Variants in IL1RAP observed in about 807,000 individuals in gnomAD.
IL1RAP encodes the protein interleukin-1 receptor accessory protein.
A neutral mutation model predicts 60.7 loss-of-function variants in IL1RAP; 35 were observed. That is an observed-to-expected ratio of 0.58 (90% CI 0.44 to 0.76). The LOEUF (loss-of-function observed/expected upper bound fraction) is 0.76, where lower values mean the gene tolerates loss of function less well. Ranked by LOEUF, IL1RAP falls within the 30% of genes least tolerant of loss-of-function variation. The pLI is 0.00. For synonymous variants in IL1RAP, 268 were observed against 250.9 expected (o/e 1.07, Z -0.64); for missense variants, 572 against 693.9 (o/e 0.82, Z 1.97).
intron 3 of IL1RAP, chr3:190,564,565 G>A (rs1726202036): frequency 1.8e-6 from 1 of 567,358 alleles, no homozygotes; most frequent in Non-Finnish European, 3.2e-6. Context: ...GTACACAGGG[G>A]GCAGTGGGCC....
chr3:190,650,304 T>C lies in IL1RAP; in HGVS notation c.*1599T>C. On this transcript the variant is annotated 3_prime_UTR_variant, in exon 12 of 12. Coordinates refer to ENST00000447382, the MANE Select transcript of IL1RAP (RefSeq NM_002182.4). ...AAATAACTTAAGTATTGCTACAGTT[T>C]ATCTAGGTTGCAGTGGCATCTGCTG... 4.1e-6 allele frequency: 4 copies of C among 985,154 alleles called. No homozygotes were observed. Among genetic ancestry groups the C allele is most frequent in the Non-Finnish European group, 3.6e-6 (3 of 829,664 alleles). 61.0% of individuals were successfully genotyped at this position (985,154 alleles called of 1,614,324 possible). A position where few individuals can be genotyped will look rare whatever the true frequency, so the allele number is the denominator to read the frequency against.
intron 5 of IL1RAP, 116 bp downstream of exon 5, chr3:190,609,297 C>G: frequency 1.5e-6 from 1 of 663,776 alleles, no homozygotes; most frequent in East Asian, 2.9e-5. Flanking sequence ...CTGATCTATT[C>G]CGTAATAGCT....
At chr3:190,534,142 T>C (rs1274742523) in intron 1 of IL1RAP, among the ~76,000 whole-genome samples, 2 of 151,968 alleles carry the variant, frequency 1.3e-5, no homozygotes, top group Non-Finnish European at 2.9e-5. Flanking sequence ...TTTGAAAGAA[T>C]AAAAAGAAAG....
At chr3:190,566,795 G>A (rs1420219691) in intron 3 of IL1RAP, among the ~76,000 whole-genome samples, 21 of 152,138 alleles carry the variant, frequency 1.4e-4, no homozygotes, top group Non-Finnish European at 2.5e-4. Flanking sequence ...GGGCTAGTGG[G>A]GGAAGAAAGA....
intron 9 of IL1RAP, among the ~76,000 whole-genome samples, chr3:190,636,952 CTTGTT>C (rs1372546362): frequency 2.0e-5 from 3 of 151,606 alleles, no homozygotes; most frequent in Non-Finnish European, 2.9e-5. Flanking sequence ...TTGTTTGGGG[CTTGTT>C]TTGTTTTGTT....
At chr3:190,541,685 C>G (rs962949409) in intron 1 of IL1RAP, among the ~76,000 whole-genome samples, 4 of 152,124 alleles carry the variant, frequency 2.6e-5, no homozygotes, top group Non-Finnish European at 5.9e-5. Context: ...GAGTTAAGTA[C>G]ATTTTCATTG....
At chr3:190,540,366 G>A (rs999078563) in intron 1 of IL1RAP, among the ~76,000 whole-genome samples, 2 of 151,912 alleles carry the variant, frequency 1.3e-5, no homozygotes, top group Non-Finnish European at 2.9e-5. Context: ...TTTTGAAGCT[G>A]AAAGCCTCAA....
intron 3 of IL1RAP, among the ~76,000 whole-genome samples, chr3:190,595,449 G>T (rs1482286461): frequency 6.6e-6 from 1 of 152,142 alleles, no homozygotes; most frequent in Non-Finnish European, 1.5e-5. Context: ...TTCATTTAAT[G>T]TTGCTAGCCA....
In IL1RAP at chr3:190,604,430, C is replaced by T; in HGVS notation, c.350+17C>T. Reference sequence around the variant, plus strand: ...CATGTTAAGGTAGCCTGATTCTTGGCAGTGGCTTTCTCTTTTCCCTTTAGT... The same window carrying T: ...CATGTTAAGGTAGCCTGATTCTTGGTAGTGGCTTTCTCTTTTCCCTTTAGT... On this transcript the variant is annotated intron_variant, in intron 4 of 11. Transcript: ENST00000447382. The T allele has an allele frequency of 6.2e-7, 1 of 1,607,118 alleles. No homozygotes were observed. Among genetic ancestry groups the T allele is most frequent in the Non-Finnish European group, 8.5e-7 (1 of 1,177,238 alleles).
intron 6 of IL1RAP, among the ~76,000 whole-genome samples, chr3:190,622,349 A>G (rs188320461): frequency 1.1e-4 from 16 of 152,310 alleles, no homozygotes; most frequent in Non-Finnish European, 8.8e-5. Context: ...TATACAAAGT[A>G]ATTCTCACCT....
rs58821798 is a variant in IL1RAP, at chr3:190,545,024, C to T, written c.-88-11106C>T. On this transcript the variant is annotated intron_variant, in intron 1 of 11. Coordinates refer to ENST00000447382, the MANE Select transcript of IL1RAP (RefSeq NM_002182.4). ...TCAGGAGACTCGAATTAAGTAGGTA[C>T]ATTTATTAGGACTCTGCATTGTATC... Among the ~76,000 whole-genome samples the T allele has an allele frequency of 1.7e-4, 26 of 152,224 alleles. No homozygotes were observed. The East Asian group carries it at 5.0e-3, about 29-fold the overall frequency.
intron 3 of IL1RAP, among the ~76,000 whole-genome samples, chr3:190,582,413 G>T (rs1326825382): frequency 6.6e-6 from 1 of 151,044 alleles, no homozygotes; most frequent in Non-Finnish European, 1.5e-5. Flanking sequence ...TCCACCTCCC[G>T]GGATCAAGTA....
downstream of IL1RAP, chr3:190,655,824 A>T (rs1734600514): frequency 8.4e-7 from 1 of 1,187,772 alleles, no homozygotes; most frequent in Non-Finnish European, 1.2e-6. Context: ...GAGGATGGAC[A>T]ATAACGAACT....
At chr3:190,589,032 GCC>G (rs1728713180) in intron 3 of IL1RAP, among the ~76,000 whole-genome samples, 1 of 152,152 alleles carries the variant, frequency 6.6e-6, no homozygotes, top group African/African-American at 2.4e-5. Context: ...GCATTCCCTA[GCC>G]CCTCTGGTGT....
chr3:190,548,279 G>A (rs926672713), intron 1 of IL1RAP, among the ~76,000 whole-genome samples: 1 of 152,090 alleles, frequency 6.6e-6, no homozygotes, highest in Non-Finnish European at 1.5e-5. Context: ...GAATCCATAT[G>A]TAAAATAAAA....
At chr3:190,656,792 C>T in exon 12 of IL1RAP, 2 of 521,206 alleles carry the variant, frequency 3.8e-6, no homozygotes, top group Non-Finnish European at 3.3e-6. Context: ...AGAATTATTG[C>T]CTCTAAAGGC....
At chr3:190,595,356 G>A (rs1729290096) in intron 3 of IL1RAP, among the ~76,000 whole-genome samples, 1 of 152,152 alleles carries the variant, frequency 6.6e-6, no homozygotes, top group South Asian at 2.1e-4. Context: ...TTCTGCTAAT[G>A]TTTTAGACTC....
chr3:190,549,620 A>G (rs1724686911), intron 1 of IL1RAP, among the ~76,000 whole-genome samples: 1 of 152,204 alleles, frequency 6.6e-6, no homozygotes, highest in Admixed American at 6.5e-5. Flanking sequence ...GCCTTTTACC[A>G]GTTTGCACAG....
intron 3 of IL1RAP, among the ~76,000 whole-genome samples, chr3:190,589,216 C>T (rs757874754): frequency 9.2e-5 from 14 of 152,188 alleles, no homozygotes; most frequent in Non-Finnish European, 1.8e-4. Flanking sequence ...GACCCTGCTT[C>T]TTTCCTTGGG....
Sources: gnomAD v4.1 joint callset for allele counts (sites outside exome capture counted in the v4.1 genomes callset) on GRCh38, gnomAD v4.1.1 for gene constraint, MANE v1.5 for transcripts, NCBI Gene and HGNC (gene_info 2026-07-23, HGNC 2026-07-21) for gene names.